The following FBXO38 variants were observed in gnomAD, a reference collection of about 807,000 sequenced individuals.
FBXO38 encodes the protein F-box only protein 38.
A neutral mutation model predicts 131.9 loss-of-function variants in FBXO38; 53 were observed. The ratio of observed to expected loss-of-function variants is 0.40; its 90% CI spans 0.32 to 0.51. The LOEUF (loss-of-function observed/expected upper bound fraction) is 0.51, where lower values mean the gene tolerates loss of function less well. Ranked by LOEUF, FBXO38 falls within the 20% of genes least tolerant of loss-of-function variation. FBXO38 has a pLI of 0.53. For missense variants in FBXO38, 1,076 were observed against 1,475.6 expected (o/e 0.73, Z 4.44); for synonymous variants, 452 against 505.6 (o/e 0.89, Z 1.42).
chr5:148,402,848 A>T (rs1226497125), intron 5 of FBXO38, among the ~76,000 whole-genome samples: 1 of 152,170 alleles, frequency 6.6e-6, no homozygotes, highest in Non-Finnish European at 1.5e-5. Flanking sequence ...CTGTTAATAT[A>T]GCTGGCCTTT....
At chr5:148,438,166 A>G (rs1182891071) in intron 17 of FBXO38, among the ~76,000 whole-genome samples, 166 bp from the exon 18 acceptor site, 1 of 152,168 alleles carries the variant, frequency 6.6e-6, no homozygotes, top group Non-Finnish European at 1.5e-5. Flanking sequence ...TTTGAATTGA[A>G]CAGAACCACA....
chr5:148,431,636 C>G (rs1276097110), intron 15 of FBXO38, among the ~76,000 whole-genome samples: 1 of 152,108 alleles, frequency 6.6e-6, no homozygotes, highest in African/African-American at 2.4e-5. Flanking sequence ...GGAGAGGGAA[C>G]CAGGACTTAC....
rs1329494257 is a variant in FBXO38 at position 148,413,935 on chromosome 5, A to G, written c.1094-201A>G. 4 of 421,170 alleles carry G rather than the reference A, an allele frequency of 9.5e-6. No homozygotes were observed. The East Asian group carries it at 1.1e-4, about 11-fold the overall frequency. 26.1% of individuals were successfully genotyped at this position (421,170 alleles called of 1,614,324 possible). On this transcript the variant is annotated intron_variant, in intron 9 of 21. Transcript: ENST00000340253. ...TACTAGCTGTCCCTTGACTTTTAAT[A>G]TAATTTATTATTTTGTACAAGAAGT...
At chr5:148,412,840 C>A in intron 9 of FBXO38, among the ~76,000 whole-genome samples, 1 of 152,152 alleles carries the variant, frequency 6.6e-6, no homozygotes, top group South Asian at 2.1e-4. Flanking sequence ...TAAATGATAA[C>A]TTTTACCTTT....
intron 1 of FBXO38, among the ~76,000 whole-genome samples, chr5:148,394,254 TG>T (rs940582641): frequency 6.6e-6 from 1 of 152,168 alleles, no homozygotes; most frequent in African/African-American, 2.4e-5. Flanking sequence ...AGAAATAATT[TG>T]GGGCAGAATC....
intron 1 of FBXO38, among the ~76,000 whole-genome samples, chr5:148,385,905 G>A (rs531453543): frequency 6.6e-6 from 1 of 152,226 alleles, no homozygotes; most frequent in Non-Finnish European, 1.5e-5. Flanking sequence ...AGTGAGAGGG[G>A]GTATTTTTCA....
rs560669208 is a variant in FBXO38, at chr5:148,414,099, T to A, written c.1094-37T>A. On this transcript the variant is annotated intron_variant, in intron 9 of 21. Coordinates refer to ENST00000340253, the MANE Select transcript of FBXO38 (RefSeq NM_205836.3). The stretch of plus-strand genomic sequence containing the variant: ...GTAACACTCCCTAACACTTAAGAAT[T>A]TGACTTTTTTTTTTTTTAATTGATT... 3.8e-6 allele frequency: 6 copies of A among 1,576,058 alleles called. No individual in the cohort carries two copies. In the African/African-American group the frequency reaches 5.5e-5, roughly 14 times the overall value.
intron 18 of FBXO38, 23 bp downstream of exon 18, chr5:148,438,521 G>A (rs777375928): frequency 3.7e-6 from 6 of 1,602,582 alleles, no homozygotes; most frequent in Middle Eastern, 1.7e-4. Flanking sequence ...GCTTCTTTCC[G>A]ATGATACACA....
intron 15 of FBXO38, among the ~76,000 whole-genome samples, chr5:148,431,552 T>A (rs1296043578): frequency 2.0e-5 from 3 of 152,180 alleles, no homozygotes; most frequent in African/African-American, 7.2e-5. Flanking sequence ...TACTGAGAGA[T>A]CTTTATTAGA....
At chr5:148,438,654 G>T (rs1754493724) in intron 18 of FBXO38, among the ~76,000 whole-genome samples, 156 bp downstream of exon 18, 1 of 152,082 alleles carries the variant, frequency 6.6e-6, no homozygotes, top group Non-Finnish European at 1.5e-5. Context: ...ATGATATAGG[G>T]AGTTGTTATT....
chr5:148,398,732 G>A (rs188908655), intron 2 of FBXO38, among the ~76,000 whole-genome samples: 69 of 118,398 alleles, frequency 5.8e-4, no homozygotes, highest in Admixed American at 9.7e-4. Flanking sequence ...GATTTTCTTT[G>A]TCCATGAAAA....
Position 148,439,933 on chromosome 5 carries a change from T to A in FBXO38, c.3170+141T>A, listed in dbSNP as rs148225774. 42 of 796,326 alleles carry A rather than the reference T, an allele frequency of 5.3e-5. No homozygotes were observed. In the African/African-American group the frequency reaches 6.9e-4, roughly 13 times the overall value. 49.3% of individuals were successfully genotyped at this position (796,326 alleles called of 1,614,324 possible). A position where few individuals can be genotyped will look rare whatever the true frequency, so the allele number is the denominator to read the frequency against. ...AAGCTTATCCTGAAGTTAACGTAAG[T>A]AAGAAACTGAGGGAAATGAGGACTT... On this transcript the variant is annotated intron_variant, in intron 19 of 21. Coordinates refer to ENST00000340253, the MANE Select transcript of FBXO38 (RefSeq NM_205836.3).
At chr5:148,403,521 A>T (rs1752279384) in intron 5 of FBXO38, among the ~76,000 whole-genome samples, 2 of 152,142 alleles carry the variant, frequency 1.3e-5, no homozygotes, top group Admixed American at 1.3e-4. Flanking sequence ...ATTACAATAT[A>T]TGCTAAATTT....
At chr5:148,404,955 T>C (rs939407907) in intron 6 of FBXO38, 133 bp downstream of exon 6, 11 of 727,570 alleles carry the variant, frequency 1.5e-5, no homozygotes, top group Non-Finnish European at 2.2e-5. Context: ...ATTCATCTTG[T>C]GAAGATAAAT....
intron 5 of FBXO38, 35 bp downstream of exon 5, chr5:148,402,548 TTGAAATGCCATAAAATGTGAATATTCAC>T: frequency 6.8e-7 from 1 of 1,470,900 alleles, no homozygotes; most frequent in South Asian, 1.3e-5. Flanking sequence ...TTGTAACTCC[TTGAAATGCCATAAAATGTGAATATTCAC>T]TGAAAAAGAA....
At chr5:148,397,811 C>T (rs182702028) in intron 2 of FBXO38, 1 of 152,144 alleles carries the variant, frequency 6.6e-6, no homozygotes, top group African/African-American at 2.4e-5. Flanking sequence ...TTCTTCTGAG[C>T]TAATTTCAGC....
At chr5:148,393,188 G>GGTGTGT (rs60593654) in intron 1 of FBXO38, among the ~76,000 whole-genome samples, 13,782 of 126,916 alleles carry the variant, frequency 0.11, 870 homozygotes, top group Middle Eastern at 0.14. Context: ...ACAGAAGAGG[G>GGTGTGT]GTGTGTGTGT....
intron 12 of FBXO38, among the ~76,000 whole-genome samples, chr5:148,418,437 T>C (rs1366583808): frequency 6.6e-6 from 1 of 152,220 alleles, no homozygotes; most frequent in Non-Finnish European, 1.5e-5. Context: ...CTGAAGTAAA[T>C]GCAGCTATAT....
In FBXO38 at chr5:148,415,989, G is replaced by A; in HGVS notation, c.1326G>A (p.Leu442=). The change falls in exon 11 of 22, where the codon CTG becomes CTA. Residue 442 remains leucine (L), a synonymous_variant. Transcript: ENST00000340253. ...TAGTACGGTGCCATGCTTTGAAGCT[G>A]GACTCTTTTGGCCAGTTTATTGAAT... ...INLVRCHALK[L]DSFGQFIELL... The A allele has an allele frequency of 6.2e-7, 1 of 1,613,292 alleles. No homozygotes were observed. Among genetic ancestry groups the A allele is most frequent in the South Asian group, 1.1e-5 (1 of 90,998 alleles).
Sources: gnomAD v4.1 joint callset for allele counts (sites outside exome capture counted in the v4.1 genomes callset) on GRCh38, gnomAD v4.1.1 for gene constraint, MANE v1.5 for transcripts, NCBI Gene and HGNC (gene_info 2026-07-23, HGNC 2026-07-21) for gene names.